Variants in XRCC5 observed in about 807,000 individuals in gnomAD.
The protein encoded by XRCC5 is X-ray repair cross complementing 5, also known as DNA repair protein Ku80.
Under a neutral mutation model 95.7 loss-of-function variants are expected in XRCC5, and 12 were observed. The observed-to-expected ratio is 0.13, with a 90% CI of 0.08 to 0.20. The LOEUF is 0.20. Ranked by LOEUF, XRCC5 falls within the 10% of genes least tolerant of loss-of-function variation. The pLI is 1.00. For missense variants in XRCC5, 595 were observed against 873.9 expected, an observed-to-expected ratio of 0.68 and a Z score of 4.02; for synonymous variants, 281 against 290.3, an observed-to-expected ratio of 0.97 and a Z score of 0.33.
At chr2:216,129,119 AAGG>A (rs1289549058) in intron 8 of XRCC5, among the ~76,000 whole-genome samples, 1 of 152,234 alleles carries the variant, frequency 6.6e-6, no homozygotes, top group African/African-American at 2.4e-5. Context: ...GATGGATTGG[AAGG>A]AGAAGGATCT....
At chr2:216,151,664 T>C (rs1326625782) in intron 14 of XRCC5, among the ~76,000 whole-genome samples, 2 of 152,176 alleles carry the variant, frequency 1.3e-5, no homozygotes, top group Non-Finnish European at 2.9e-5. Context: ...GCGAGCAGTG[T>C]ATGCTGTTCA....
chr2:216,188,501 C>T (rs543384331), intron 16 of XRCC5, among the ~76,000 whole-genome samples: 2 of 152,290 alleles, frequency 1.3e-5, no homozygotes, highest in South Asian at 4.2e-4. Context: ...ATTATAGCTT[C>T]CTAAGATTTC....
chr2:216,187,147 A>G (rs1574484746), intron 16 of XRCC5, among the ~76,000 whole-genome samples: 1 of 152,324 alleles, frequency 6.6e-6, no homozygotes, highest in East Asian at 1.9e-4. Context: ...TAGAAGGCCA[A>G]AATCTGGTTG....
At chr2:216,181,080 T>C (rs866782274) in intron 16 of XRCC5, among the ~76,000 whole-genome samples, 42 of 152,266 alleles carry the variant, frequency 2.8e-4, no homozygotes, top group African/African-American at 7.7e-4. Context: ...CCCAAAGTGC[T>C]GGGAATACAG....
At chr2:216,152,438 TAAAAA>T in intron 14 of XRCC5, among the ~76,000 whole-genome samples, 1 of 147,780 alleles carries the variant, frequency 6.8e-6, no homozygotes, top group Non-Finnish European at 1.5e-5. Context: ...GAGACTGTCT[TAAAAA>T]AAAAAGAGAG....
intron 2 of XRCC5, 99 bp from the exon 3 acceptor site, chr2:216,116,560 C>G: frequency 7.3e-7 from 1 of 1,367,202 alleles, no homozygotes; most frequent in Non-Finnish European, 1.0e-6. Flanking sequence ...AGGGACCTGC[C>G]ATAGGGAGGT....
intron 16 of XRCC5, among the ~76,000 whole-genome samples, chr2:216,173,619 T>C (rs1559256315): frequency 6.6e-6 from 1 of 152,262 alleles, no homozygotes; most frequent in Non-Finnish European, 1.5e-5. Context: ...GTTTGAATAA[T>C]GTCACCCAAA....
chr2:216,196,218 TA>T (rs58466188), intron 19 of XRCC5, among the ~76,000 whole-genome samples: 16,954 of 141,326 alleles, frequency 0.12, 1,352 homozygotes, highest in South Asian at 0.24. Flanking sequence ...AGATTTTTGT[TA>T]AAAAAAAAAA....
chr2:216,196,403 G>C (rs6435936), intron 19 of XRCC5, among the ~76,000 whole-genome samples: 7 of 151,938 alleles, frequency 4.6e-5, no homozygotes, highest in Admixed American at 4.6e-4. Flanking sequence ...TTTTGTTTCT[G>C]TTTGTCACTT....
intron 20 of XRCC5, among the ~76,000 whole-genome samples, chr2:216,204,768 C>T (rs1689911117): frequency 6.6e-6 from 1 of 152,034 alleles, no homozygotes; most frequent in Non-Finnish European, 1.5e-5. Context: ...ATGAAACAGC[C>T]CTTAAAAGGG....
intron 1 of XRCC5, among the ~76,000 whole-genome samples, chr2:216,111,748 A>G (rs892170438): frequency 2.0e-5 from 3 of 152,188 alleles, no homozygotes; most frequent in African/African-American, 7.2e-5. Flanking sequence ...CTGCGAGACT[A>G]TCAGTCAGAG....
chr2:216,163,064 T>C (rs1238064344), intron 16 of XRCC5, among the ~76,000 whole-genome samples: 6 of 152,200 alleles, frequency 3.9e-5, no homozygotes, highest in African/African-American at 1.4e-4. Flanking sequence ...GACTTCTACG[T>C]ATGTGAGTGT....
chr2:216,125,440 G>A (rs760211973), intron 6 of XRCC5, among the ~76,000 whole-genome samples: 1 of 152,036 alleles, frequency 6.6e-6, no homozygotes, highest in Admixed American at 6.6e-5. Context: ...CAGGTGATCC[G>A]CCTGCCTTGG....
chr2:216,141,368 G>A (rs765643600), intron 13 of XRCC5, 49 bp downstream of exon 13: 1 of 1,608,880 alleles, frequency 6.2e-7, no homozygotes, highest in East Asian at 2.2e-5. Flanking sequence ...ATGAAAGAGA[G>A]CTAAGTGCAA....
chr2:216,177,550 A>G (rs1168205539), intron 16 of XRCC5, among the ~76,000 whole-genome samples: 1 of 152,220 alleles, frequency 6.6e-6, no homozygotes, highest in Non-Finnish European at 1.5e-5. Context: ...GTAGAGGATA[A>G]GTTTACTCAG....
intron 16 of XRCC5, among the ~76,000 whole-genome samples, chr2:216,162,451 G>T (rs964249878): frequency 2.0e-5 from 3 of 151,050 alleles, no homozygotes; most frequent in African/African-American, 7.3e-5. Context: ...GCCCAGGCTG[G>T]AGTGCAATGG....
chr2:216,147,787 T>A (rs2106018853), intron 13 of XRCC5, among the ~76,000 whole-genome samples: 1 of 152,322 alleles, frequency 6.6e-6, no homozygotes, highest in East Asian at 1.9e-4. Context: ...GAATCTTGTA[T>A]ATTCCCCAAG....
At chr2:216,186,521 ATG>A (rs1179586124) in intron 16 of XRCC5, among the ~76,000 whole-genome samples, 1 of 152,226 alleles carries the variant, frequency 6.6e-6, no homozygotes, top group African/African-American at 2.4e-5. Context: ...GGGTTAGTAT[ATG>A]ATGCCCATAT....
At chr2:216,196,432 A>G (rs1456153637) in intron 19 of XRCC5, among the ~76,000 whole-genome samples, 1 of 152,156 alleles carries the variant, frequency 6.6e-6, no homozygotes, top group Non-Finnish European at 1.5e-5. Flanking sequence ...GTTTGATAAT[A>G]TCTCCTCATT....
Sources: gnomAD v4.1 joint callset for allele counts (sites outside exome capture counted in the v4.1 genomes callset) on GRCh38, gnomAD v4.1.1 for gene constraint, MANE v1.5 for transcripts, NCBI Gene and HGNC (gene_info 2026-07-23, HGNC 2026-07-21) for gene names.